The following NBL1 variants were observed in gnomAD, a reference collection of about 807,000 sequenced individuals.
NBL1 encodes the protein neuroblastoma suppressor of tumorigenicity 1.
NBL1 carries 9 observed loss-of-function variants against 16.0 expected under a neutral mutation model. That is an observed-to-expected ratio of 0.56 (90% CI 0.34 to 0.98). NBL1 has a LOEUF of 0.98. Among genes scored for constraint, NBL1 ranks in the 50% least tolerant of loss-of-function variants. The pLI is 0.02. For synonymous variants in NBL1, 86 were observed against 100.7 expected, an observed-to-expected ratio of 0.85 and a Z score of 0.87; for missense variants, 196 against 243.1, an observed-to-expected ratio of 0.81 and a Z score of 1.29.
At chr1:19,649,558 C>A (rs1468001867) in intron 1 of NBL1, among the ~76,000 whole-genome samples, 7 of 151,828 alleles carry the variant, frequency 4.6e-5, no homozygotes, top group African/African-American at 1.7e-4. Flanking sequence ...GGGGTTTCGC[C>A]ATGTTGGCCA....
Position 19,644,395 on chromosome 1 carries a change from C to T in NBL1, c.-71C>T, listed in dbSNP as rs1242592654. On this transcript the variant is annotated 5_prime_UTR_variant, in exon 1 of 4. Coordinates refer to ENST00000375136, the MANE Select transcript of NBL1 (RefSeq NM_005380.8). The surrounding 1 kb of genome is among the most constrained non-coding windows in gnomAD (Gnocchi z 4.6). ...CCGCCTCGCCGAGCCTCCTGGGGCG[C>T]CCGGGCCCGCGACCCCCGCACCCAG... 3 of 978,754 alleles carry T rather than the reference C, an allele frequency of 3.1e-6. No individual in the cohort carries two copies. The highest frequency in any genetic ancestry group is 3.6e-6 in the Non-Finnish European group (3 of 827,338). 60.6% of individuals were successfully genotyped at this position (978,754 alleles called of 1,614,324 possible). A position where few individuals can be genotyped will look rare whatever the true frequency, so the allele number is the denominator to read the frequency against.
intron 1 of NBL1, chr1:19,647,620 G>A (rs908515699): frequency 6.1e-6 from 6 of 985,320 alleles, no homozygotes; most frequent in Non-Finnish European, 7.2e-6. Flanking sequence ...CAAACGCTGC[G>A]TGCTCGTTGT....
At chr1:19,643,530 C>G, upstream of NBL1, 1 of 1,472,330 alleles carries the variant, frequency 6.8e-7, no homozygotes. The surrounding 1 kb of genome is among the most constrained non-coding windows in gnomAD (Gnocchi z 4.7). Flanking sequence ...AAGGTACGGC[C>G]GCAATCCACC....
At chr1:19,643,229 G>A (rs949458678), upstream of NBL1, 52 of 1,329,018 alleles carry the variant, frequency 3.9e-5, no homozygotes, top group Middle Eastern at 4.8e-4. The surrounding 1 kb of genome is among the most constrained non-coding windows in gnomAD (Gnocchi z 4.7). Flanking sequence ...GCTAGGAGGC[G>A]CAGATGCAGG....
intron 2 of NBL1, 23 bp from the exon 3 acceptor site, chr1:19,655,301 C>T: frequency 3.1e-6 from 5 of 1,613,588 alleles, no homozygotes; most frequent in Non-Finnish European, 3.4e-6. Context: ...GTGACACAGG[C>T]ATGGTGACCT....
At chr1:19,644,134 C>G, upstream of NBL1, 1 of 978,820 alleles carries the variant, frequency 1.0e-6, no homozygotes, top group Non-Finnish European at 1.2e-6. This position sits in a 1 kb window ranked among gnomAD's most constrained non-coding sequence, Gnocchi z 4.6. Context: ...CAGGAGAGGG[C>G]CCGGGGCCCC....
chr1:19,645,265 G>C, intron 1 of NBL1: 1 of 707,342 alleles, frequency 1.4e-6, no homozygotes, highest in Non-Finnish European at 1.7e-6. Context: ...CAGCCTTTCC[G>C]GGGGCTCAGT....
intron 1 of NBL1, among the ~76,000 whole-genome samples, chr1:19,651,939 C>T (rs1429353723): frequency 1.3e-5 from 2 of 152,112 alleles, no homozygotes; most frequent in African/African-American, 4.8e-5. Context: ...GACCAAGTCT[C>T]ACTTTGCTTC....
intron 3 of NBL1, among the ~76,000 whole-genome samples, chr1:19,655,832 C>T (rs1055153201): frequency 3.3e-5 from 5 of 152,222 alleles, no homozygotes; most frequent in African/African-American, 1.2e-4. Context: ...AACACAGCCA[C>T]CTTCTTTCAG....
intron 3 of NBL1, 132 bp from the exon 4 acceptor site, chr1:19,656,734 C>T: frequency 7.1e-7 from 1 of 1,399,526 alleles, no homozygotes; most frequent in Non-Finnish European, 9.4e-7. Context: ...CCCCATGGGA[C>T]CCCAGAGCTA....
upstream of NBL1, chr1:19,644,256 G>A (rs1045062183): frequency 5.4e-5 from 53 of 978,724 alleles, no homozygotes; most frequent in Admixed American, 6.4e-5. The surrounding 1 kb of genome is among the most constrained non-coding windows in gnomAD (Gnocchi z 4.6). Context: ...CCTGTTTGGA[G>A]GGAGCCACCC....
chr1:19,647,854 T>TGG (rs2094991281), intron 1 of NBL1, among the ~76,000 whole-genome samples: 1 of 136,904 alleles, frequency 7.3e-6, no homozygotes, highest in Admixed American at 6.9e-5. Flanking sequence ...AGGCCTGGTG[T>TGG]GTGTGTGTGT....
intron 1 of NBL1, among the ~76,000 whole-genome samples, chr1:19,645,089 G>C (rs2094970572): frequency 6.6e-6 from 1 of 152,072 alleles, no homozygotes; most frequent in South Asian, 2.1e-4. Flanking sequence ...CTGATCCCCC[G>C]CCCTCCGATC....
At chr1:19,652,534 G>A (rs541769534) in intron 1 of NBL1, among the ~76,000 whole-genome samples, 4 of 152,190 alleles carry the variant, frequency 2.6e-5, no homozygotes, top group Admixed American at 2.0e-4. Flanking sequence ...GGCTTATCCC[G>A]GCATTGGGGT....
intron 1 of NBL1, among the ~76,000 whole-genome samples, chr1:19,647,874 T>TGTGTGTGTGCGC (rs1161799710): frequency 2.0e-4 from 29 of 147,172 alleles, no homozygotes; most frequent in African/African-American, 7.6e-4. Context: ...TGCGTGTGTG[T>TGTGTGTGTGCGC]GTGTGTGTGC....
intron 1 of NBL1, chr1:19,647,533 C>T (rs1403586247): frequency 1.2e-6 from 1 of 863,612 alleles, no homozygotes; most frequent in Non-Finnish European, 1.4e-6. Flanking sequence ...CAGACCCTGC[C>T]CTTAGTGAGT....
intron 3 of NBL1, 93 bp downstream of exon 3, chr1:19,655,528 C>T: frequency 7.1e-7 from 1 of 1,406,242 alleles, no homozygotes; most frequent in Non-Finnish European, 9.8e-7. Context: ...CAGCAGATGG[C>T]CACAGGGCCT....
At position 19,655,079 on chromosome 1, in the gene NBL1, G is replaced by A; in HGVS notation, c.49G>A (p.Ala17Thr). The A allele has an allele frequency of 6.2e-7, 1 of 1,612,910 alleles. No homozygotes were observed. Among genetic ancestry groups the A allele is most frequent in the East Asian group, 2.2e-5 (1 of 44,878 alleles). ...GGCTGTCCTCCCTGCCATGCTACTG[G>A]CTGCCCCACCACCCATCAACAAGCT... is the stretch of plus-strand genomic sequence containing the variant. ...VGAVLPAMLL[A>T]APPPINKLAL... is the part of the protein sequence containing the mutation. The change falls in exon 2 of 4, where the codon GCT (alanine) becomes ACT (threonine). Residue 17 changes from alanine to threonine, a missense_variant. Physicochemically the swap from Ala to Thr is moderately conservative, Grantham distance 58. Coordinates refer to ENST00000375136, the MANE Select transcript of NBL1 (RefSeq NM_005380.8).
At chr1:19,646,982 G>A (rs1479312584) in intron 1 of NBL1, among the ~76,000 whole-genome samples, 1 of 152,210 alleles carries the variant, frequency 6.6e-6, no homozygotes, top group Non-Finnish European at 1.5e-5. Flanking sequence ...AAGGGAGCAG[G>A]CAGAGGCCAG....
Sources: allele counts gnomAD v4.1 joint callset (sites outside exome capture counted in the v4.1 genomes callset), GRCh38; gene constraint gnomAD v4.1.1; non-coding constraint Gnocchi (gnomAD v3.1); transcripts MANE v1.5; gene names NCBI Gene and HGNC (gene_info 2026-07-23, HGNC 2026-07-21).